The following INPP4B variants were observed in gnomAD, a reference collection of about 807,000 sequenced individuals.
INPP4B encodes inositol polyphosphate-4-phosphatase type II B.
INPP4B carries 55 observed loss-of-function variants against 122.5 expected under a neutral mutation model. The observed-to-expected ratio is 0.45, with a 90% CI of 0.36 to 0.56. INPP4B has a LOEUF of 0.56. INPP4B is among the 20% of genes least tolerant of loss of function. INPP4B has a pLI of 0.00. For synonymous variants in INPP4B, 403 were observed against 388.7 expected, an observed-to-expected ratio of 1.04 and a Z score of -0.43; for missense variants, 1,000 against 1,097.7, an observed-to-expected ratio of 0.91 and a Z score of 1.26.
intron 7 of INPP4B, among the ~76,000 whole-genome samples, chr4:142,344,132 A>G (rs994948872): frequency 6.6e-6 from 1 of 152,084 alleles, no homozygotes; most frequent in African/African-American, 2.4e-5. Context: ...CATTCATACC[A>G]TCTAAAATAG....
At chr4:142,599,238 T>A (rs547837139) in intron 2 of INPP4B, among the ~76,000 whole-genome samples, 2 of 152,192 alleles carry the variant, frequency 1.3e-5, no homozygotes, top group East Asian at 3.9e-4. Flanking sequence ...AAGCTCAGCA[T>A]CAGTCTGACT....
intron 18 of INPP4B, among the ~76,000 whole-genome samples, chr4:142,131,226 G>A (rs941420470): frequency 6.6e-6 from 1 of 152,148 alleles, no homozygotes; most frequent in African/African-American, 2.4e-5. Context: ...ATAGGTCTTT[G>A]AGCAACCTGA....
intron 2 of INPP4B, among the ~76,000 whole-genome samples, chr4:142,563,292 C>T (rs1223991503): frequency 6.6e-6 from 1 of 152,132 alleles, no homozygotes; most frequent in African/African-American, 2.4e-5. Context: ...AGAGTGTTGG[C>T]TTCATTTTAA....
chr4:142,821,592 G>C (rs1780798609), intron 1 of INPP4B, among the ~76,000 whole-genome samples: 1 of 151,434 alleles, frequency 6.6e-6, no homozygotes, highest in Non-Finnish European at 1.5e-5. Context: ...TTTTTATTTT[G>C]TTTATTTTGT....
At chr4:142,269,492 C>A (rs555390175) in intron 10 of INPP4B, among the ~76,000 whole-genome samples, 1 of 152,010 alleles carries the variant, frequency 6.6e-6, no homozygotes, top group Non-Finnish European at 1.5e-5. Flanking sequence ...TTTTAGCTTG[C>A]ATTTGTGGAA....
rs572450787 is a variant in INPP4B at position 142,231,332 on chromosome 4, G to C, written c.836+6532C>G. ...CCTCCATTCTCAATTTTACATATGTGTATGCTTTACACAAATAAGCAAACA... is the reference window on the plus strand; with the variant it reads ...CCTCCATTCTCAATTTTACATATGTCTATGCTTTACACAAATAAGCAAACA... On this transcript the variant is annotated intron_variant, in intron 12 of 25. Coordinates refer to ENST00000262992, the MANE Select transcript of INPP4B (RefSeq NM_001101669.3). Among the ~76,000 whole-genome samples the C allele has an allele frequency of 8.5e-5, 13 of 152,276 alleles. No homozygotes were observed. In the South Asian group the frequency reaches 1.0e-3, roughly 12 times the overall value.
chr4:142,329,322 A>G (rs957980771), intron 7 of INPP4B, among the ~76,000 whole-genome samples: 56 of 152,208 alleles, frequency 3.7e-4, no homozygotes, highest in African/African-American at 1.3e-3. Flanking sequence ...TTTTAGGCCA[A>G]TGCAACATCA....
At chr4:142,513,352 G>A (rs1270046815) in intron 2 of INPP4B, among the ~76,000 whole-genome samples, 2 of 151,932 alleles carry the variant, frequency 1.3e-5, no homozygotes, top group African/African-American at 4.8e-5. Flanking sequence ...TTGGTGTCTG[G>A]TAAACTGTGG....
intron 2 of INPP4B, among the ~76,000 whole-genome samples, chr4:142,629,472 G>C (rs1378256709): frequency 6.6e-6 from 1 of 152,026 alleles, no homozygotes; most frequent in Admixed American, 6.6e-5. Flanking sequence ...TTCTAGATGA[G>C]ATGAAGGAAA....
intron 5 of INPP4B, among the ~76,000 whole-genome samples, chr4:142,411,003 T>C (rs1007354060): frequency 6.6e-6 from 1 of 152,192 alleles, no homozygotes; most frequent in Non-Finnish European, 1.5e-5. Flanking sequence ...TAGCTAAATA[T>C]ACATTTTTAA....
intron 11 of INPP4B, among the ~76,000 whole-genome samples, chr4:142,256,740 G>A (rs923524364): frequency 1.3e-5 from 2 of 152,148 alleles, no homozygotes; most frequent in Admixed American, 6.6e-5. Context: ...AAGAGTCCAG[G>A]ACCAGATGGA....
At chr4:142,668,288 A>G (rs1265435220) in intron 2 of INPP4B, among the ~76,000 whole-genome samples, 1 of 152,220 alleles carries the variant, frequency 6.6e-6, no homozygotes, top group Non-Finnish European at 1.5e-5. Flanking sequence ...TGCAGAAAAA[A>G]TATTTTAAAA....
chr4:142,397,743 G>T (rs1435760717), intron 7 of INPP4B, among the ~76,000 whole-genome samples: 2 of 152,052 alleles, frequency 1.3e-5, no homozygotes, highest in Non-Finnish European at 2.9e-5. Flanking sequence ...GGAGGCTGAG[G>T]CAGGGGAATC....
At chr4:142,428,175 A>T (rs1358390806) in intron 5 of INPP4B, among the ~76,000 whole-genome samples, 3 of 151,476 alleles carry the variant, frequency 2.0e-5, no homozygotes, top group East Asian at 3.9e-4. Flanking sequence ...ATATAAATTT[A>T]AAAAATAATA....
intron 2 of INPP4B, among the ~76,000 whole-genome samples, chr4:142,555,963 T>C (rs893249450): frequency 5.3e-5 from 8 of 152,042 alleles, no homozygotes; most frequent in African/African-American, 1.9e-4. Flanking sequence ...AGATATAGAT[T>C]TATATGTATC....
At chr4:142,389,329 A>G (rs1453622398) in intron 7 of INPP4B, among the ~76,000 whole-genome samples, 1 of 151,962 alleles carries the variant, frequency 6.6e-6, no homozygotes, top group Non-Finnish European at 1.5e-5. Flanking sequence ...CTTTCAGTGT[A>G]GTTATATATG....
intron 2 of INPP4B, among the ~76,000 whole-genome samples, chr4:142,502,057 C>G (rs1232645258): frequency 6.6e-6 from 1 of 152,146 alleles, no homozygotes; most frequent in African/African-American, 2.4e-5. Flanking sequence ...CAGTTAAAAA[C>G]AGTAGCTAAG....
chr4:142,326,781 C>T (rs1279744956), intron 7 of INPP4B, among the ~76,000 whole-genome samples: 1 of 152,108 alleles, frequency 6.6e-6, no homozygotes, highest in African/African-American at 2.4e-5. Context: ...CTCTGTTTAA[C>T]CTTTGGGTTA....
At chr4:142,304,463 T>C (rs1300041535) in intron 9 of INPP4B, among the ~76,000 whole-genome samples, 1 of 151,992 alleles carries the variant, frequency 6.6e-6, no homozygotes, top group Non-Finnish European at 1.5e-5. Context: ...TATTACATAG[T>C]TTAAATTATC....
Sources: gnomAD v4.1 joint callset for allele counts (sites outside exome capture counted in the v4.1 genomes callset) on GRCh38, gnomAD v4.1.1 for gene constraint, MANE v1.5 for transcripts, NCBI Gene and HGNC (gene_info 2026-07-23, HGNC 2026-07-21) for gene names.